SLC12A4: variants seen among roughly 807,000 people sequenced by gnomAD.
The protein encoded by SLC12A4 is electroneutral potassium-chloride cotransporter 1.
A neutral mutation model predicts 119.2 loss-of-function variants in SLC12A4; 84 were observed. The observed-to-expected ratio is 0.70, with a 90% confidence interval of 0.59 to 0.85. SLC12A4 has a LOEUF of 0.85. Among genes scored for constraint, SLC12A4 ranks in the 40% least tolerant of loss-of-function variants. The pLI is 0.00. For synonymous variants in SLC12A4, 599 were observed against 604.6 expected (o/e 0.99, Z 0.14); for missense variants, 1,298 against 1,476.3 (o/e 0.88, Z 1.98).
At position 67,944,253 on chromosome 16, in the gene SLC12A4, GC is replaced by G. The variant is rs2058315627; in HGVS notation, c.*586del. On this transcript the variant is annotated 3_prime_UTR_variant, in exon 24 of 24. Coordinates refer to ENST00000316341, the MANE Select transcript of SLC12A4 (RefSeq NM_005072.5). The surrounding 1 kb of genome is among the most constrained non-coding windows in gnomAD (Gnocchi z 6.6). ...CCGGAAAGGGGCACAGCCTCAGGGAGCCGGCTCTGGGCCTGGGTTCAGTTCC... is the reference window on the plus strand; with the variant it reads ...CCGGAAAGGGGCACAGCCTCAGGGAGCGGCTCTGGGCCTGGGTTCAGTTCC... 4 of 1,426,806 alleles carry G rather than the reference GC, an allele frequency of 2.8e-6. No homozygotes were observed. In the East Asian group the frequency reaches 1.0e-4, roughly 36 times the overall value. The allele number at this position is 1,426,806 out of a possible 1,614,324, so 88.4% of individuals were successfully genotyped here.
chr16:67,961,838 GGAAGTCCAAGCC>G, intron 2 of SLC12A4, 132 bp from the exon 3 acceptor site: 1 of 1,210,516 alleles, frequency 8.3e-7, no homozygotes, highest in Non-Finnish European at 1.2e-6. Flanking sequence ...TCCTACCTGG[GGAAGTCCAAGCC>G]ATCCAACTGG....
chr16:67,968,538 C>T lies in SLC12A4; in HGVS notation c.16G>A (p.Val6Met). The T allele has an allele frequency of 6.3e-7, 1 of 1,575,828 alleles. No homozygotes were observed. Among genetic ancestry groups the T allele is most frequent in the Non-Finnish European group, 8.6e-7 (1 of 1,167,236 alleles). The stretch of plus-strand genomic sequence containing the variant: ...CGCCTCGGCCCGTCCACTGGCACCA[C>T]GGTGAAGTGAGGCATCGTGCGGGCT... MPHFT[V>M]VPVDGPRRGD... Residue 6 changes from valine to methionine, a missense_variant, in exon 1 of 24, where the codon GTG (valine) becomes ATG (methionine). Coordinates refer to ENST00000316341, the MANE Select transcript of SLC12A4 (RefSeq NM_005072.5).
rs147166243 is a variant in SLC12A4 at position 67,951,266 on chromosome 16, C to T, written c.1171G>A (p.Val391Met). 16 of 1,613,926 alleles carry T rather than the reference C, an allele frequency of 9.9e-6. No individual in the cohort carries two copies. In the African/African-American group the frequency reaches 1.1e-4, roughly 11 times the overall value. Residue 391 changes from valine (V) to methionine (M), a missense_variant, in exon 9 of 24, where the codon GTG becomes ATG. Coordinates refer to ENST00000316341, the MANE Select transcript of SLC12A4 (RefSeq NM_005072.5). The surrounding 1 kb of genome is among the most constrained non-coding windows in gnomAD (Gnocchi z 5.2). ...WSAYLEKGDI[V>M]EKHGLPSADA... ...GCGGAGGGCAGCCCATGCTTCTCCA[C>T]GATGTCACCCTTCTCCAGGTAGGCG...
intron 2 of SLC12A4, 199 bp downstream of exon 2, chr16:67,963,266 G>T (rs2030679125): frequency 2.7e-6 from 1 of 370,306 alleles, no homozygotes; most frequent in Non-Finnish European, 4.9e-6. Flanking sequence ...AGCAATGGGG[G>T]TGGGATTGTG....
chr16:67,951,404 C>T lies in SLC12A4; in HGVS notation c.1133-100G>A, dbSNP rs1054650855. 2.2e-6 allele frequency: 3 copies of T among 1,358,672 alleles called. No individual in the cohort carries two copies. The highest frequency in any genetic ancestry group is 5.2e-4 in the Middle Eastern group (2 of 3,878). 84.2% of individuals were successfully genotyped at this position (1,358,672 alleles called of 1,614,324 possible). On this transcript the variant is annotated intron_variant, in intron 8 of 23. Transcript: ENST00000316341. This position sits in a 1 kb window ranked among gnomAD's most constrained non-coding sequence, Gnocchi z 5.2. ...CGCAGATGCAGGGCAACTTTGGGGA[C>T]TCAGGGAACAGCTTCAGCCCAATGA...
At chr16:67,956,410 G>T (rs896940125) in intron 5 of SLC12A4, among the ~76,000 whole-genome samples, 2 of 152,140 alleles carry the variant, frequency 1.3e-5, no homozygotes, top group African/African-American at 4.8e-5. Flanking sequence ...TTTCGGCAGG[G>T]TGCAGTGGCT....
intron 5 of SLC12A4, 121 bp downstream of exon 5, chr16:67,957,621 G>A: frequency 7.3e-6 from 8 of 1,091,820 alleles, no homozygotes; most frequent in Admixed American, 2.1e-5. Context: ...CTGGCATCAG[G>A]GATTGGGAGC....
chr16:67,964,180 G>A lies in SLC12A4; in HGVS notation c.116-621C>T, dbSNP rs1299200219. The A allele has an allele frequency of 1.0e-5, 13 of 1,281,128 alleles. No individual in the cohort carries two copies. The Admixed American group carries it at 2.1e-4, about 21-fold the overall frequency. 79.4% of individuals were successfully genotyped at this position (1,281,128 alleles called of 1,614,324 possible). On this transcript the variant is annotated intron_variant, in intron 1 of 23. Transcript: ENST00000316341. ...CCTTCTAGGGTTGCCTAAGAAAGTC[G>A]GACGGGTGGGTGTCGGACTGAGCAG...
At chr16:67,947,157 A>T (rs1222905284) in intron 16 of SLC12A4, 52 bp from the exon 17 acceptor site, 1 of 1,537,714 alleles carries the variant, frequency 6.5e-7, no homozygotes, top group Non-Finnish European at 8.7e-7. Context: ...CGTTCTAGGG[A>T]GCCCCTCCTC....
chr16:67,961,472 C>T, intron 3 of SLC12A4, 103 bp downstream of exon 3: 2 of 1,497,034 alleles, frequency 1.3e-6, no homozygotes, highest in Non-Finnish European at 1.8e-6. Flanking sequence ...GCTTGGCACC[C>T]ACTTCCCCCA....
rs1477556297 is a variant in SLC12A4, at chr16:67,968,627, C to A, written c.-74G>T. 12 of 1,310,596 alleles carry A rather than the reference C, an allele frequency of 9.2e-6. No homozygotes were observed. Among genetic ancestry groups the A allele is most frequent in the African/African-American group, 6.2e-5 (4 of 64,548 alleles). 81.2% of individuals were successfully genotyped at this position (1,310,596 alleles called of 1,614,324 possible). ...GTCCCCGCCGCTGTCCCCGCCGCCCCGGGCCGACACGCCCCGCCCGCTCGC... is the reference window on the plus strand; with the variant it reads ...GTCCCCGCCGCTGTCCCCGCCGCCCAGGGCCGACACGCCCCGCCCGCTCGC... On this transcript the variant is annotated 5_prime_UTR_variant, in exon 1 of 24. Coordinates refer to ENST00000316341, the MANE Select transcript of SLC12A4 (RefSeq NM_005072.5).
chr16:67,943,612 G>A lies in SLC12A4; in HGVS notation c.*1228C>T. 2.0e-6 allele frequency: 1 copy of A among 507,162 alleles called. No individual in the cohort carries two copies. Among genetic ancestry groups the A allele is most frequent in the Non-Finnish European group, 3.6e-6 (1 of 279,166 alleles). 31.4% of individuals were successfully genotyped at this position (507,162 alleles called of 1,614,324 possible). On this transcript the variant is annotated 3_prime_UTR_variant, in exon 24 of 24. Transcript: ENST00000316341. This position sits in a 1 kb window ranked among gnomAD's most constrained non-coding sequence, Gnocchi z 4.6. The stretch of plus-strand genomic sequence containing the variant: ...ATCCTGGGCTGGGCATCTTGTCCTT[G>A]GTGGGTGGGGGCCAAGGAAGGAGTG...
At position 67,943,695 on chromosome 16, in the gene SLC12A4, A is replaced by C. The variant is rs570849714; in HGVS notation, c.*1145T>G. The C allele has an allele frequency of 4.4e-4, 241 of 546,064 alleles. 2 individuals carry two copies. Among genetic ancestry groups the C allele is most frequent in the African/African-American group, 3.8e-3 (201 of 53,122 alleles). 33.8% of individuals were successfully genotyped at this position (546,064 alleles called of 1,614,324 possible). A position where few individuals can be genotyped will look rare whatever the true frequency, so the allele number is the denominator to read the frequency against. The stretch of plus-strand genomic sequence containing the variant: ...GACTGACCACAGCTTGTGATGCCCC[A>C]GCCAAGACCTCAGGCACACCCCGTC... On this transcript the variant is annotated 3_prime_UTR_variant, in exon 24 of 24. Coordinates refer to ENST00000316341, the MANE Select transcript of SLC12A4 (RefSeq NM_005072.5). This position sits in a 1 kb window ranked among gnomAD's most constrained non-coding sequence, Gnocchi z 4.6.
Position 67,944,579 on chromosome 16 carries a change from A to G in SLC12A4, c.*261T>C. 1 of 1,320,334 alleles carries G rather than the reference A, an allele frequency of 7.6e-7. No homozygotes were observed. Among genetic ancestry groups the G allele is most frequent in the Non-Finnish European group, 9.6e-7 (1 of 1,036,714 alleles). 81.8% of individuals were successfully genotyped at this position (1,320,334 alleles called of 1,614,324 possible). A position where few individuals can be genotyped will look rare whatever the true frequency, so the allele number is the denominator to read the frequency against. On this transcript the variant is annotated 3_prime_UTR_variant, in exon 24 of 24. Transcript: ENST00000316341. The surrounding 1 kb of genome is among the most constrained non-coding windows in gnomAD (Gnocchi z 6.6). ...CTTCAAACCCCACTCGGCCCCTACC[A>G]GTCTTCTCTGGCCAGGACAGGCCTA...
At position 67,944,254 on chromosome 16, in the gene SLC12A4, C is replaced by T; in HGVS notation, c.*586G>A. 1 of 1,425,124 alleles carries T rather than the reference C, an allele frequency of 7.0e-7. No homozygotes were observed. Among genetic ancestry groups the T allele is most frequent in the Middle Eastern group, 2.6e-4 (1 of 3,858 alleles). 88.3% of individuals were successfully genotyped at this position (1,425,124 alleles called of 1,614,324 possible). A position where few individuals can be genotyped will look rare whatever the true frequency, so the allele number is the denominator to read the frequency against. On this transcript the variant is annotated 3_prime_UTR_variant, in exon 24 of 24. Coordinates refer to ENST00000316341, the MANE Select transcript of SLC12A4 (RefSeq NM_005072.5). The surrounding 1 kb of genome is among the most constrained non-coding windows in gnomAD (Gnocchi z 6.6). ...CGGAAAGGGGCACAGCCTCAGGGAG[C>T]CGGCTCTGGGCCTGGGTTCAGTTCC...
Position 67,952,240 on chromosome 16 carries a change from G to A in SLC12A4, c.861C>T (p.Ser287=), listed in dbSNP as rs1360948935. The A allele has an allele frequency of 1.2e-6, 2 of 1,614,000 alleles. No individual in the cohort carries two copies. The highest frequency in any genetic ancestry group is 1.3e-5 in the African/African-American group (1 of 74,904). Reference sequence around the variant, plus strand: ...TGCCCCCAGCATAGATGGAGAGGATGGAGATGATCACACAGGCCAGGAAGA... The same window carrying A: ...TGCCCCCAGCATAGATGGAGAGGATAGAGATGATCACACAGGCCAGGAAGA... ...ASLFLACVII[S]ILSIYAGGIK... Residue 287 remains serine, a synonymous_variant, in exon 7 of 24, where the codon TCC becomes TCT. Coordinates refer to ENST00000316341, the MANE Select transcript of SLC12A4 (RefSeq NM_005072.5).
chr16:67,957,563 G>A, intron 5 of SLC12A4, 179 bp downstream of exon 5: 1 of 639,382 alleles, frequency 1.6e-6, no homozygotes, highest in East Asian at 2.8e-5. Context: ...AACCACAATG[G>A]CACTCTCCAA....
At position 67,957,928 on chromosome 16, in the gene SLC12A4, G is replaced by C; in HGVS notation, c.459C>G (p.Ala153=). 1 of 1,614,204 alleles carries C rather than the reference G, an allele frequency of 6.2e-7. No homozygotes were observed. Among genetic ancestry groups the C allele is most frequent in the African/African-American group, 1.3e-5 (1 of 75,054 alleles). The change falls in exon 4 of 24, where the codon GCC becomes GCG. Residue 153 remains alanine, a synonymous_variant. Coordinates refer to ENST00000316341, the MANE Select transcript of SLC12A4 (RefSeq NM_005072.5). ...WMVGTAGVLQ[A]LLIVLICCCC... is the part of the protein sequence containing the mutation. The stretch of plus-strand genomic sequence containing the variant: ...AGCAGCAGATAAGCACGATGAGGAG[G>C]GCCTGTAGCACACCTGCTGTGCCCA...
chr16:67,963,518 A>T lies in SLC12A4; in HGVS notation c.157T>A (p.Leu53Met). Residue 53 changes from leucine (L) to methionine (M), a missense_variant, in exon 2 of 24, where the codon TTG (leucine) becomes ATG (methionine). By Grantham distance (15) the Leu-to-Met change is conservative (BLOSUM62 2). Coordinates refer to ENST00000316341, the MANE Select transcript of SLC12A4 (RefSeq NM_005072.5). ...TAGTCAATTCCTCTGGAAGCCTCCAAGGGGGAAAGAAAAGGGCTGCTCTCT... is the reference window on the plus strand; with the variant it reads ...TAGTCAATTCCTCTGGAAGCCTCCATGGGGGAAAGAAAAGGGCTGCTCTCT... ...HRESSPFLSP[L>M]EASRGIDYYD... The T allele has an allele frequency of 6.3e-7, 1 of 1,585,496 alleles. No individual in the cohort carries two copies.
Sources: gnomAD v4.1 joint callset for allele counts (sites outside exome capture counted in the v4.1 genomes callset) on GRCh38, gnomAD v4.1.1 for gene constraint, Gnocchi (gnomAD v3.1) non-coding constraint, MANE v1.5 for transcripts, NCBI Gene and HGNC (gene_info 2026-07-23, HGNC 2026-07-21) for gene names.